Variants in LINGO2 observed in about 807,000 individuals in gnomAD.
LINGO2 encodes leucine-rich repeat and immunoglobulin-like domain-containing nogo receptor-interacting protein 2.
In LINGO2, 14 loss-of-function variants were observed where a neutral mutation model predicts 30.6. That is an observed-to-expected ratio of 0.46 (90% CI 0.30 to 0.72). LINGO2 has a LOEUF of 0.72. Among genes scored for constraint, LINGO2 ranks in the 30% least tolerant of loss-of-function variants. LINGO2 has a pLI of 0.07. For synonymous variants in LINGO2, 317 were observed against 288.5 expected (o/e 1.10, Z -1.00); for missense variants, 729 against 751.7 (o/e 0.97, Z 0.35).
chr9:27,959,812 T>C (rs1227307437), intron 5 of LINGO2, among the ~76,000 whole-genome samples: 1 of 152,202 alleles, frequency 6.6e-6, no homozygotes, highest in Non-Finnish European at 1.5e-5. Context: ...GTTCAGCTCT[T>C]CTAAATCCTT....
chr9:28,388,896 TTCTCTCTC>T lies in LINGO2; in HGVS notation c.-278-16036_-278-16029del, dbSNP rs34568011. Among the ~76,000 whole-genome samples the T allele has an allele frequency of 2.9e-3, 434 of 150,956 alleles. 5 individuals carry two copies. Among genetic ancestry groups the T allele is most frequent in the Non-Finnish European group, 3.1e-3 (208 of 67,594 alleles). ...TTGAGGGTTTTCTCTCTTTCTCTCT[TTCTCTCTC>T]TCTCTCTCTTTCTTTGGATTTCCCA... On this transcript the variant is annotated intron_variant, in intron 2 of 5. Transcript: ENST00000379992.
intron 4 of LINGO2, among the ~76,000 whole-genome samples, chr9:28,275,182 C>G (rs987949290): frequency 1.3e-5 from 2 of 152,074 alleles, no homozygotes; most frequent in Non-Finnish European, 2.9e-5. Context: ...CATTCTCCTG[C>G]CTCAGCCTCC....
intron 4 of LINGO2, among the ~76,000 whole-genome samples, chr9:28,075,751 C>T (rs1444070197): frequency 1.3e-5 from 2 of 151,754 alleles, no homozygotes; most frequent in Non-Finnish European, 2.9e-5. Context: ...TTTCAGGTTG[C>T]TTGTCTTTTC....
At chr9:28,047,925 A>C (rs79881804) in intron 4 of LINGO2, among the ~76,000 whole-genome samples, 7,667 of 150,914 alleles carry the variant, frequency 0.051, 413 homozygotes, top group Non-Finnish European at 0.076. Context: ...GTGCAACTTC[A>C]AAGTAGCAAT....
Position 28,581,688 on chromosome 9 carries a change from A to G in LINGO2, c.-365+88512T>C, listed in dbSNP as rs143272422. ...GATGCTGATTATAATGTAAATATAC[A>G]TAAACACACACACAAGAATGCATCT... On this transcript the variant is annotated intron_variant, in intron 1 of 5. Transcript: ENST00000379992. 2.7e-3 allele frequency among the ~76,000 whole-genome samples: 403 copies of G among 151,968 alleles called. 18 individuals are homozygous for G. In the East Asian group the frequency reaches 0.064, roughly 24 times the overall value.
chr9:28,237,990 C>G (rs572848463), intron 4 of LINGO2, among the ~76,000 whole-genome samples: 34 of 152,192 alleles, frequency 2.2e-4, no homozygotes, highest in African/African-American at 8.2e-4. Flanking sequence ...ATACTTATAT[C>G]AGACAAAATA....
intron 1 of LINGO2, among the ~76,000 whole-genome samples, chr9:28,663,298 G>A (rs1828658832): frequency 6.6e-6 from 1 of 152,108 alleles, no homozygotes; most frequent in African/African-American, 2.4e-5. Flanking sequence ...AGCCTCCTGA[G>A]TAGCTGGGAC....
intron 1 of LINGO2, among the ~76,000 whole-genome samples, chr9:28,668,039 T>G (rs1828868631): frequency 6.6e-6 from 1 of 152,142 alleles, no homozygotes; most frequent in Admixed American, 6.6e-5. Flanking sequence ...TTCACAATTT[T>G]TCTAGCTCTT....
chr9:28,890,371 C>T, the LINGO2 span, among the ~76,000 whole-genome samples: 1 of 152,024 alleles, frequency 6.6e-6, no homozygotes, highest in Non-Finnish European at 1.5e-5. Context: ...ACTGTCTTTT[C>T]CTAAATGGGT....
the LINGO2 span, among the ~76,000 whole-genome samples, chr9:28,939,709 TTATC>T: frequency 6.6e-6 from 1 of 152,078 alleles, no homozygotes; most frequent in Non-Finnish European, 1.5e-5. Context: ...TCTTACTAAT[TTATC>T]TATCTTCAAG....
chr9:28,321,029 G>A (rs2134299306), intron 3 of LINGO2, among the ~76,000 whole-genome samples: 1 of 151,562 alleles, frequency 6.6e-6, no homozygotes, highest in South Asian at 2.1e-4. Flanking sequence ...ACATTTCTTA[G>A]GATGAATAAG....
chr9:29,148,871 A>G, the LINGO2 span, among the ~76,000 whole-genome samples: 3 of 152,200 alleles, frequency 2.0e-5, no homozygotes, highest in African/African-American at 4.8e-5. Flanking sequence ...ACCAAATAAA[A>G]CAATACATAA....
intron 4 of LINGO2, among the ~76,000 whole-genome samples, chr9:28,265,797 A>C (rs891002792): frequency 9.9e-5 from 15 of 152,004 alleles, no homozygotes; most frequent in African/African-American, 3.4e-4. Context: ...AGAAAATGAC[A>C]TAAATGGGCC....
At chr9:28,818,729 C>T in the LINGO2 span, among the ~76,000 whole-genome samples, 1 of 152,052 alleles carries the variant, frequency 6.6e-6, no homozygotes, top group African/African-American at 2.4e-5. Context: ...AACTGTTTCT[C>T]CTGGGAATCT....
At chr9:28,254,117 A>T (rs1447809500) in intron 4 of LINGO2, among the ~76,000 whole-genome samples, 1 of 152,116 alleles carries the variant, frequency 6.6e-6, no homozygotes, top group Admixed American at 6.6e-5. Context: ...CTAAGGAGAA[A>T]GTCCTACAAC....
chr9:28,644,722 T>C (rs1057134543), intron 1 of LINGO2, among the ~76,000 whole-genome samples: 1 of 152,106 alleles, frequency 6.6e-6, no homozygotes. Flanking sequence ...GGATAAATCC[T>C]TGATGGAACA....
In LINGO2 at chr9:28,110,769, T is replaced by A. The variant is rs555384848; in HGVS notation, c.-86-98364A>T. 3.7e-3 allele frequency among the ~76,000 whole-genome samples: 559 copies of A among 152,144 alleles called. 7 individuals are homozygous for A. Among genetic ancestry groups the A allele is most frequent in the African/African-American group, 0.013 (538 of 41,516 alleles). On this transcript the variant is annotated intron_variant, in intron 4 of 5. Transcript: ENST00000379992. ...TGGCAAGGCTGTGGAGAAATAAGAATGTTTTTACACTGTTAGTGGGAGTGT... is the reference window on the plus strand; with the variant it reads ...TGGCAAGGCTGTGGAGAAATAAGAAAGTTTTTACACTGTTAGTGGGAGTGT...
intron 1 of LINGO2, among the ~76,000 whole-genome samples, chr9:28,500,463 A>C (rs1025399298): frequency 5.9e-5 from 9 of 152,172 alleles, no homozygotes; most frequent in Admixed American, 3.9e-4. Context: ...AATAATTAAA[A>C]CATATTTTTG....
chr9:28,081,671 G>C lies in LINGO2; in HGVS notation c.-86-69266C>G, dbSNP rs147259959. Among the ~76,000 whole-genome samples the C allele has an allele frequency of 1.1e-3, 175 of 152,246 alleles. 1 individual carries two copies. In the South Asian group the frequency reaches 0.013, roughly 12 times the overall value. On this transcript the variant is annotated intron_variant, in intron 4 of 5. Coordinates refer to ENST00000379992, the Ensembl canonical transcript of LINGO2. ...GCTACTTACCCGCTGTATGACCTTGGATGAGTTACTTAATGAAGCTGAACA... is the reference window on the plus strand; with the variant it reads ...GCTACTTACCCGCTGTATGACCTTGCATGAGTTACTTAATGAAGCTGAACA...
Sources: gnomAD v4.1 joint callset for allele counts (sites outside exome capture counted in the v4.1 genomes callset) on GRCh38, gnomAD v4.1.1 for gene constraint, MANE v1.5 for transcripts, NCBI Gene and HGNC (gene_info 2026-07-23, HGNC 2026-07-21) for gene names.